CACNA1D: variants seen among roughly 807,000 people sequenced by gnomAD.
The protein encoded by CACNA1D is voltage-dependent L-type calcium channel subunit alpha-1D.
In CACNA1D, 55 loss-of-function variants were observed where a neutral mutation model predicts 257.1. That is an observed-to-expected ratio of 0.21 (90% CI 0.17 to 0.27). The LOEUF is 0.27. Among genes scored for constraint, CACNA1D ranks in the 10% least tolerant of loss-of-function variants. CACNA1D has a pLI of 1.00. For synonymous variants in CACNA1D, 980 were observed against 1,014.9 expected (o/e 0.97, Z 0.65); for missense variants, 1,876 against 2,784.0 (o/e 0.67, Z 7.34).
chr3:53,731,901 G>A (rs2094996771), intron 17 of CACNA1D, 115 bp from the exon 18 acceptor site: 5 of 761,858 alleles, frequency 6.6e-6, no homozygotes, highest in South Asian at 4.2e-5. Context: ...CTCAAATACA[G>A]ATGCAGCTTT....
At position 53,775,978 on chromosome 3, in the gene CACNA1D, A is replaced by G. The variant is rs755935512; in HGVS notation, c.4295A>G (p.Glu1432Gly). The G allele has an allele frequency of 1.2e-6, 2 of 1,613,958 alleles. No individual in the cohort carries two copies. Among genetic ancestry groups the G allele is most frequent in the East Asian group, 2.2e-5 (1 of 44,882 alleles). Residue 1432 changes from glutamate (E) to glycine (G), a missense_variant, in exon 35 of 48, where the codon GAG becomes GGG. Glu to Gly is a moderately conservative substitution (Grantham distance 98). Coordinates refer to ENST00000350061, the MANE Select transcript of CACNA1D (RefSeq NM_001128840.3). ...GAGTCAGATTACAACCCCGGGGAGG[A>G]GTATACATGTGGGAGCAACTTTGCC... ...DPESDYNPGE[E>G]YTCGSNFAIV...
intron 29 of CACNA1D, among the ~76,000 whole-genome samples, chr3:53,755,898 C>T (rs573916599): frequency 3.3e-5 from 5 of 152,204 alleles, no homozygotes; most frequent in African/African-American, 9.6e-5. Context: ...CCCTCCTGGT[C>T]GGTGGGGTAG....
intron 3 of CACNA1D, among the ~76,000 whole-genome samples, chr3:53,555,084 A>G (rs376647962): frequency 8.5e-5 from 13 of 152,372 alleles, no homozygotes; most frequent in African/African-American, 3.1e-4. Flanking sequence ...ATATTAGAGC[A>G]AAACTATGTT....
chr3:53,640,204 G>C (rs576904771), intron 3 of CACNA1D, among the ~76,000 whole-genome samples: 1 of 152,076 alleles, frequency 6.6e-6, no homozygotes, highest in African/African-American at 2.4e-5. Flanking sequence ...CATATTGGAG[G>C]GTTGACCTGA....
At chr3:53,582,359 A>G (rs2093146783) in intron 3 of CACNA1D, among the ~76,000 whole-genome samples, 1 of 152,124 alleles carries the variant, frequency 6.6e-6, no homozygotes, top group African/African-American at 2.4e-5. Flanking sequence ...ATATAGAGAA[A>G]TTATAGCTCA....
intron 7 of CACNA1D, among the ~76,000 whole-genome samples, chr3:53,669,421 G>A (rs1339991200): frequency 6.6e-6 from 1 of 152,242 alleles, no homozygotes; most frequent in Non-Finnish European, 1.5e-5. Context: ...CACAACTAGG[G>A]CATAAAGGGG....
chr3:53,683,614 G>T (rs537902475), intron 8 of CACNA1D, among the ~76,000 whole-genome samples: 3 of 152,312 alleles, frequency 2.0e-5, no homozygotes, highest in Admixed American at 2.0e-4. Flanking sequence ...GATGACAGAT[G>T]TTGCAATTAA....
chr3:53,638,218 G>A (rs1049462950), intron 3 of CACNA1D, among the ~76,000 whole-genome samples: 15 of 152,218 alleles, frequency 9.9e-5, no homozygotes, highest in African/African-American at 3.6e-4. Context: ...CCTTCTGACT[G>A]TTCTGTCTAT....
chr3:53,573,022 A>G (rs1002970213), intron 3 of CACNA1D, among the ~76,000 whole-genome samples: 1 of 152,182 alleles, frequency 6.6e-6, no homozygotes, highest in Non-Finnish European at 1.5e-5. Context: ...TGAATGATAA[A>G]TATTTGTTGC....
intron 3 of CACNA1D, among the ~76,000 whole-genome samples, chr3:53,503,371 G>C (rs2090684370): frequency 6.6e-6 from 1 of 152,218 alleles, no homozygotes; most frequent in Non-Finnish European, 1.5e-5. Flanking sequence ...AGCAGAAGTG[G>C]TGGAAAGCCT....
chr3:53,784,682 G>A (rs1024697545), intron 39 of CACNA1D, among the ~76,000 whole-genome samples: 4 of 152,210 alleles, frequency 2.6e-5, no homozygotes, highest in Admixed American at 2.6e-4. Flanking sequence ...AAGACACAGA[G>A]CCCTGGAATA....
In CACNA1D at chr3:53,786,842, A is replaced by C; in HGVS notation, c.4813A>C (p.Lys1605Gln). The change falls in exon 40 of 48, where the codon AAG becomes CAG. Residue 1605 changes from lysine to glutamine, a missense_variant. Lys to Gln is a moderately conservative substitution (Grantham distance 53). Coordinates refer to ENST00000350061, the MANE Select transcript of CACNA1D (RefSeq NM_001128840.3). ...TTTAGATGATGAGGTAACCGTGGGG[A>C]AGTTCTATGCCACTTTCCTGATACA... ...PAGDDEVTVG[K>Q]FYATFLIQDY... The C allele has an allele frequency of 6.2e-7, 1 of 1,610,200 alleles. No homozygotes were observed. Among genetic ancestry groups the C allele is most frequent in the Non-Finnish European group, 8.5e-7 (1 of 1,178,110 alleles).
chr3:53,800,506 C>G lies in CACNA1D; in HGVS notation c.5040+141C>G, dbSNP rs1295871496. On this transcript the variant is annotated intron_variant, in intron 41 of 47. Coordinates refer to ENST00000350061, the MANE Select transcript of CACNA1D (RefSeq NM_001128840.3). This position sits in a 1 kb window ranked among gnomAD's most constrained non-coding sequence, Gnocchi z 4.3. The stretch of plus-strand genomic sequence containing the variant: ...CCTAGAGGGGCTTTCAGACCACACC[C>G]TCCCCCTCTTACAGACCCTCCCCAG... 1 of 754,586 alleles carries G rather than the reference C, an allele frequency of 1.3e-6. No individual in the cohort carries two copies. Among genetic ancestry groups the G allele is most frequent in the Non-Finnish European group, 2.4e-6 (1 of 411,144 alleles). 46.7% of individuals were successfully genotyped at this position (754,586 alleles called of 1,614,324 possible). A position where few individuals can be genotyped will look rare whatever the true frequency, so the allele number is the denominator to read the frequency against.
chr3:53,651,366 CTTTTTTT>C (rs779207160), intron 4 of CACNA1D, among the ~76,000 whole-genome samples: 29 of 81,850 alleles, frequency 3.5e-4, no homozygotes, highest in Non-Finnish European at 4.4e-4. Context: ...TATTAATTTT[CTTTTTTT>C]TTTTTTTTTT....
intron 3 of CACNA1D, among the ~76,000 whole-genome samples, chr3:53,514,699 T>C (rs1170654628): frequency 6.6e-6 from 1 of 151,670 alleles, no homozygotes; most frequent in East Asian, 1.9e-4. Context: ...TAGCTGTAGA[T>C]GAAGAAACTG....
intron 3 of CACNA1D, among the ~76,000 whole-genome samples, chr3:53,630,107 A>C (rs1182843866): frequency 6.6e-6 from 1 of 152,220 alleles, no homozygotes; most frequent in Non-Finnish European, 1.5e-5. Context: ...CACCTGTGAA[A>C]GATTATTTTA....
At position 53,723,310 on chromosome 3, in the gene CACNA1D, AAG is replaced by A; in HGVS notation, c.1667-116_1667-115del. ...CGTTTCTGTCCTGAGTGAGGTAGTG[AAG>A]AGAGAGACAAGGTATTGGCGTATTT... On this transcript the variant is annotated intron_variant, in intron 12 of 47. Coordinates refer to ENST00000350061, the MANE Select transcript of CACNA1D (RefSeq NM_001128840.3). This position sits in a 1 kb window ranked among gnomAD's most constrained non-coding sequence, Gnocchi z 5.6. The A allele has an allele frequency of 1.3e-6, 1 of 768,008 alleles. No individual in the cohort carries two copies. Among genetic ancestry groups the A allele is most frequent in the Admixed American group, 1.9e-5 (1 of 53,500 alleles). The allele number at this position is 768,008 out of a possible 1,614,324, so 47.6% of individuals were successfully genotyped here.
chr3:53,792,337 G>A (rs1420831003), intron 40 of CACNA1D: 1 of 152,208 alleles, frequency 6.6e-6, no homozygotes, highest in East Asian at 1.9e-4. Context: ...TACATCTGAT[G>A]CTGAGCCCAA....
At position 53,676,872 on chromosome 3, in the gene CACNA1D, A is replaced by G. The variant is rs570140124; in HGVS notation, c.1220+3746A>G. ...CAGCCATGCATGAATATAGATGAAT[A>G]CTTCCATCTCTGATCACAGTGCTCT... On this transcript the variant is annotated intron_variant, in intron 8 of 47. Coordinates refer to ENST00000350061, the MANE Select transcript of CACNA1D (RefSeq NM_001128840.3). 1.2e-4 allele frequency among the ~76,000 whole-genome samples: 18 copies of G among 152,334 alleles called. 1 individual carries two copies. In the South Asian group the frequency reaches 3.3e-3, roughly 28 times the overall value.
Sources: allele counts gnomAD v4.1 joint callset (sites outside exome capture counted in the v4.1 genomes callset), GRCh38; gene constraint gnomAD v4.1.1; non-coding constraint Gnocchi (gnomAD v3.1); transcripts MANE v1.5; gene names NCBI Gene and HGNC (gene_info 2026-07-23, HGNC 2026-07-21).